LGR6: variants seen among roughly 807,000 people sequenced by gnomAD.
The protein encoded by LGR6 is leucine-rich repeat-containing G protein-coupled receptor 6.
In LGR6, 45 loss-of-function variants were observed where a neutral mutation model predicts 69.4. The ratio of observed to expected loss-of-function variants is 0.65; its 90% confidence interval spans 0.51 to 0.83. LGR6 has a LOEUF of 0.83. Ranked by LOEUF, LGR6 falls within the 40% of genes least tolerant of loss-of-function variation. LGR6 has a pLI of 0.00. For synonymous variants in LGR6, 538 were observed against 555.0 expected (o/e 0.97, Z 0.43); for missense variants, 1,108 against 1,246.7 (o/e 0.89, Z 1.68).
At chr1:202,243,497 C>T (rs1014372724) in intron 4 of LGR6, among the ~76,000 whole-genome samples, 8 of 152,162 alleles carry the variant, frequency 5.3e-5, no homozygotes, top group Admixed American at 5.2e-4. Context: ...TTTCTAGGAG[C>T]TTTTCACCAG....
At chr1:202,297,304 A>G (rs997040828) in intron 6 of LGR6, among the ~76,000 whole-genome samples, 3 of 152,220 alleles carry the variant, frequency 2.0e-5, no homozygotes, top group Non-Finnish European at 2.9e-5. Context: ...TTCTGCAGCC[A>G]GGAAGATTCC....
intron 6 of LGR6, among the ~76,000 whole-genome samples, chr1:202,281,779 C>T (rs1042726549): frequency 6.6e-6 from 1 of 151,632 alleles, no homozygotes; most frequent in Non-Finnish European, 1.5e-5. Flanking sequence ...CCATAACCAA[C>T]CCCCCTTATT....
At chr1:202,199,746 G>A (rs1226567604) in intron 1 of LGR6, among the ~76,000 whole-genome samples, 2 of 152,198 alleles carry the variant, frequency 1.3e-5, no homozygotes. Context: ...CAGCTCCACT[G>A]TTGATGAGCT....
intron 2 of LGR6, 102 bp downstream of exon 2, chr1:202,225,596 C>A: frequency 9.9e-7 from 1 of 1,006,470 alleles, no homozygotes; most frequent in Non-Finnish European, 1.5e-6. Flanking sequence ...GAGAAAGGGG[C>A]TTGGGAAGCT....
In LGR6 at chr1:202,276,488, A is replaced by C. The variant is rs1665568438; in HGVS notation, c.611A>C (p.Tyr204Ser). 6.2e-7 allele frequency: 1 copy of C among 1,613,984 alleles called. No homozygotes were observed. The highest frequency in any genetic ancestry group is 1.7e-5 in the Admixed American group (1 of 60,010). Residue 204 changes from tyrosine to serine, a missense_variant, in exon 5 of 18, where the codon TAC (tyrosine) becomes TCC (serine). Coordinates refer to ENST00000367278, the MANE Select transcript of LGR6 (RefSeq NM_001017403.2). The stretch of plus-strand genomic sequence containing the variant: ...AACCGCATCAGCCACATCCCCGACT[A>C]CGCGTTCCAGAATCTCACCAGCCTT... ...ALNRISHIPD[Y>S]AFQNLTSLVV...
rs1296589431 is a variant in LGR6, at chr1:202,318,882, A to G, written c.2579A>G (p.Glu860Gly). ...PLAYAAAGEL[E>G]KSSCDSTQAL... is the part of the protein sequence containing the mutation. ...GCCTATGCTGCGGCCGGGGAGCTGG[A>G]GAAGAGCTCCTGTGATTCTACCCAG... Residue 860 changes from glutamate to glycine, a missense_variant, in exon 18 of 18, where the codon GAG becomes GGG. Coordinates refer to ENST00000367278, the MANE Select transcript of LGR6 (RefSeq NM_001017403.2). 2.5e-6 allele frequency: 4 copies of G among 1,613,832 alleles called. No individual in the cohort carries two copies. Among genetic ancestry groups the G allele is most frequent in the African/African-American group, 2.7e-5 (2 of 74,926 alleles).
At chr1:202,198,682 T>G (rs1658729244) in intron 1 of LGR6, among the ~76,000 whole-genome samples, 1 of 151,350 alleles carries the variant, frequency 6.6e-6, no homozygotes, top group African/African-American at 2.4e-5. Context: ...TTTTTTTTTT[T>G]TTTTTTTTTT....
chr1:202,210,476 T>C (rs919349425), intron 1 of LGR6, among the ~76,000 whole-genome samples: 3 of 150,496 alleles, frequency 2.0e-5, no homozygotes, highest in Non-Finnish European at 4.4e-5. Context: ...ATGGACCTAT[T>C]TGAGAGAGAG....
chr1:202,241,746 G>A (rs1009967785), intron 4 of LGR6, among the ~76,000 whole-genome samples: 12 of 152,204 alleles, frequency 7.9e-5, no homozygotes, highest in Middle Eastern at 3.4e-3. Context: ...GGGGAGCTCC[G>A]GTGGGCTGGT....
chr1:202,244,200 G>A (rs572131006), intron 4 of LGR6, among the ~76,000 whole-genome samples: 28 of 152,068 alleles, frequency 1.8e-4, no homozygotes, highest in African/African-American at 5.8e-4. Flanking sequence ...CTCGTAATTC[G>A]CCTGCCTTGG....
chr1:202,306,833 C>G (rs191784383), intron 12 of LGR6, 35 bp from the exon 13 acceptor site: 39 of 1,604,636 alleles, frequency 2.4e-5, no homozygotes, highest in Admixed American at 5.0e-5. Context: ...AGGGTCTGAG[C>G]CTGCCGGCTC....
chr1:202,277,905 G>T (rs907910908), intron 5 of LGR6, among the ~76,000 whole-genome samples: 1 of 151,682 alleles, frequency 6.6e-6, no homozygotes, highest in Non-Finnish European at 1.5e-5. Flanking sequence ...AGAGAATGGG[G>T]ACATTCCAAG....
chr1:202,277,732 G>T (rs1665691346), intron 5 of LGR6, among the ~76,000 whole-genome samples: 1 of 151,766 alleles, frequency 6.6e-6, no homozygotes, highest in South Asian at 2.1e-4. Context: ...AATAAATATG[G>T]GAAAAAAATA....
At chr1:202,203,724 G>A (rs1658916663) in intron 1 of LGR6, 3 of 1,329,932 alleles carry the variant, frequency 2.3e-6, no homozygotes, top group African/African-American at 1.4e-5. Context: ...AGCAGGCGGG[G>A]CACAGAGGAG....
At chr1:202,299,208 G>A (rs982192716) in intron 7 of LGR6, among the ~76,000 whole-genome samples, 5 of 150,938 alleles carry the variant, frequency 3.3e-5, no homozygotes, top group African/African-American at 7.3e-5. Flanking sequence ...TGCAATGAGC[G>A]GAGATTGTAC....
intron 4 of LGR6, among the ~76,000 whole-genome samples, chr1:202,245,711 C>T (rs1372526595): frequency 6.6e-6 from 1 of 152,016 alleles, no homozygotes; most frequent in Non-Finnish European, 1.5e-5. Context: ...TGCAATTAAG[C>T]CCCCAGTCGG....
At chr1:202,230,176 G>A (rs1660899751) in intron 3 of LGR6, among the ~76,000 whole-genome samples, 1 of 152,032 alleles carries the variant, frequency 6.6e-6, no homozygotes, top group Admixed American at 6.6e-5. Flanking sequence ...CGAGGCAAAG[G>A]ATTAAATAAA....
At chr1:202,208,812 C>G (rs530251906) in intron 1 of LGR6, among the ~76,000 whole-genome samples, 2 of 152,270 alleles carry the variant, frequency 1.3e-5, no homozygotes, top group African/African-American at 4.8e-5. Context: ...GCCCAGGGCA[C>G]CTGCTGGGGG....
chr1:202,317,375 T>C (rs538184568), intron 17 of LGR6, among the ~76,000 whole-genome samples: 1 of 152,030 alleles, frequency 6.6e-6, no homozygotes, highest in South Asian at 2.1e-4. Context: ...GAGAGAGTCT[T>C]GCTCTGTTGC....
Sources: allele counts gnomAD v4.1 joint callset (sites outside exome capture counted in the v4.1 genomes callset), GRCh38; gene constraint gnomAD v4.1.1; transcripts MANE v1.5; gene names NCBI Gene and HGNC (gene_info 2026-07-23, HGNC 2026-07-21).